The following EBF1 variants were observed in gnomAD, a reference collection of about 807,000 sequenced individuals.
The protein encoded by EBF1 is transcription factor COE1.
In EBF1, 10 loss-of-function variants were observed where a neutral mutation model predicts 68.4. That is an observed-to-expected ratio of 0.15 (90% CI 0.09 to 0.25). The LOEUF (loss-of-function observed/expected upper bound fraction) is 0.25, where lower values mean the gene tolerates loss of function less well. Among genes scored for constraint, EBF1 ranks in the 10% least tolerant of loss-of-function variants. EBF1 has a pLI of 1.00. For missense variants in EBF1, 509 were observed against 794.4 expected (o/e 0.64, Z 4.32); for synonymous variants, 298 against 299.8 (o/e 0.99, Z 0.06).
At chr5:158,890,192 TCACA>T (rs1415038387) in intron 6 of EBF1, among the ~76,000 whole-genome samples, 10 of 152,210 alleles carry the variant, frequency 6.6e-5, no homozygotes, top group African/African-American at 2.4e-4. Context: ...GCTAAAACTG[TCACA>T]CAGGGATATT....
At chr5:159,045,578 A>G (rs957515953) in intron 6 of EBF1, among the ~76,000 whole-genome samples, 3 of 152,204 alleles carry the variant, frequency 2.0e-5, no homozygotes, top group Non-Finnish European at 4.4e-5. Flanking sequence ...TCCTATTTGC[A>G]TATGGTATCC....
chr5:159,031,707 A>G (rs1768927466), intron 6 of EBF1, among the ~76,000 whole-genome samples: 1 of 152,172 alleles, frequency 6.6e-6, no homozygotes, highest in African/African-American at 2.4e-5. Context: ...TTGCTCCTAT[A>G]CACAGTTCAG....
chr5:159,060,156 T>G (rs1775525558), intron 6 of EBF1, among the ~76,000 whole-genome samples: 1 of 152,126 alleles, frequency 6.6e-6, no homozygotes, highest in Admixed American at 6.5e-5. Context: ...TTTGATAAGA[T>G]TTTACCCAAA....
At chr5:159,085,110 T>C (rs1238419211) in intron 4 of EBF1, among the ~76,000 whole-genome samples, 3 of 152,218 alleles carry the variant, frequency 2.0e-5, no homozygotes, top group African/African-American at 7.2e-5. Context: ...GCATTTGGAT[T>C]TGATTTTTAA....
At chr5:158,826,424 G>A (rs540173048) in intron 7 of EBF1, among the ~76,000 whole-genome samples, 2 of 152,242 alleles carry the variant, frequency 1.3e-5, no homozygotes, top group South Asian at 4.2e-4. Context: ...ATTGCCTACT[G>A]CATTGGACAC....
At chr5:158,802,833 T>G (rs1191953700) in intron 8 of EBF1, among the ~76,000 whole-genome samples, 1 of 152,164 alleles carries the variant, frequency 6.6e-6, no homozygotes, top group Non-Finnish European at 1.5e-5. Flanking sequence ...ATGCACCACA[T>G]AGTATGCTAG....
intron 6 of EBF1, among the ~76,000 whole-genome samples, chr5:158,973,267 G>A (rs963352195): frequency 6.6e-5 from 10 of 152,134 alleles, no homozygotes; most frequent in Admixed American, 3.9e-4. Flanking sequence ...GGAGGAGAGG[G>A]AAGGATATTT....
At chr5:158,880,683 C>T (rs938407989) in intron 6 of EBF1, among the ~76,000 whole-genome samples, 3 of 152,320 alleles carry the variant, frequency 2.0e-5, no homozygotes, top group East Asian at 3.9e-4. Flanking sequence ...TGAAGCAAAT[C>T]GCTTGCCGAT....
chr5:158,932,448 A>G (rs1034847492), intron 6 of EBF1, among the ~76,000 whole-genome samples: 6 of 152,228 alleles, frequency 3.9e-5, no homozygotes, highest in African/African-American at 1.4e-4. Context: ...GCAATAAAAT[A>G]AAAGAGTAGA....
At position 158,886,763 on chromosome 5, in the gene EBF1, G is replaced by A. The variant is rs374678862; in HGVS notation, c.555-46653C>T. 1.6e-4 allele frequency among the ~76,000 whole-genome samples: 25 copies of A among 152,336 alleles called. 1 individual carries two copies. The highest frequency in any genetic ancestry group is 6.0e-4 in the African/African-American group (25 of 41,576). On this transcript the variant is annotated intron_variant, in intron 6 of 15. Transcript: ENST00000313708. ...ATGGTGGCTCATGCCTGTAATCCCA[G>A]CACTTAGGGAGGCCAAGGCAGGCAG...
At chr5:158,869,850 C>A (rs1028006109) in intron 6 of EBF1, among the ~76,000 whole-genome samples, 5 of 152,038 alleles carry the variant, frequency 3.3e-5, no homozygotes, top group Admixed American at 6.5e-5. Context: ...ATTTTGTTTG[C>A]CTTTCTTTTG....
intron 5 of EBF1, among the ~76,000 whole-genome samples, chr5:159,077,958 T>C (rs1779080887): frequency 6.6e-6 from 1 of 152,014 alleles, no homozygotes; most frequent in Non-Finnish European, 1.5e-5. Context: ...CAGGCTGGTC[T>C]CAAATTCCCT....
intron 6 of EBF1, chr5:158,987,063 G>A (rs547626257): frequency 6.6e-6 from 1 of 152,224 alleles, no homozygotes; most frequent in East Asian, 1.9e-4. Flanking sequence ...TCCAACCCTA[G>A]CACTAACAGA....
intron 6 of EBF1, among the ~76,000 whole-genome samples, chr5:158,993,284 GC>G (rs1237560259): frequency 1.3e-5 from 2 of 152,072 alleles, no homozygotes; most frequent in African/African-American, 2.4e-5. Flanking sequence ...CTGAGCTCAG[GC>G]AATCCACCCA....
chr5:158,768,072 G>T lies in EBF1; in HGVS notation c.1036+9341C>A, dbSNP rs544713523. Among the ~76,000 whole-genome samples, 15 of 152,142 alleles carry T rather than the reference G, an allele frequency of 9.9e-5. No homozygotes were observed. In the East Asian group the frequency reaches 2.9e-3, roughly 29 times the overall value. ...ATATAGCTAAATGCTTTTGGGAGCC[G>T]CTCCCAAGCTCTCAGGACACTGGGT... On this transcript the variant is annotated intron_variant, in intron 10 of 15. Transcript: ENST00000313708.
At chr5:158,855,658 A>G (rs1390388933) in intron 6 of EBF1, among the ~76,000 whole-genome samples, 1 of 152,210 alleles carries the variant, frequency 6.6e-6, no homozygotes, top group African/African-American at 2.4e-5. Flanking sequence ...AGATCCTATT[A>G]CGGTGCTTGG....
intron 4 of EBF1, among the ~76,000 whole-genome samples, chr5:159,093,459 A>G (rs1165750452): frequency 6.6e-6 from 1 of 152,142 alleles, no homozygotes. Flanking sequence ...CTTTCTCATA[A>G]GTGCTATTAT....
At chr5:158,734,236 G>A (rs1022325345) in intron 10 of EBF1, among the ~76,000 whole-genome samples, 1 of 151,970 alleles carries the variant, frequency 6.6e-6, no homozygotes, top group African/African-American at 2.4e-5. Context: ...TGTTCTTTTT[G>A]CTGTGAATTT....
chr5:158,991,313 A>G (rs935112136), intron 6 of EBF1, among the ~76,000 whole-genome samples: 1 of 152,064 alleles, frequency 6.6e-6, no homozygotes, highest in Non-Finnish European at 1.5e-5. Flanking sequence ...TTCAGACTGC[A>G]ATATTTTTCA....
Sources: allele counts gnomAD v4.1 joint callset (sites outside exome capture counted in the v4.1 genomes callset), GRCh38; gene constraint gnomAD v4.1.1; transcripts MANE v1.5; gene names NCBI Gene and HGNC (gene_info 2026-07-23, HGNC 2026-07-21).